Variants in CPNE4 observed in about 807,000 individuals in gnomAD.
CPNE4 encodes copine-4.
Under a neutral mutation model 67.9 loss-of-function variants are expected in CPNE4, and 25 were observed. The observed-to-expected ratio is 0.37, with a 90% CI of 0.27 to 0.51. The LOEUF (loss-of-function observed/expected upper bound fraction) is 0.51. CPNE4 is among the 20% of genes least tolerant of loss of function. CPNE4 has a pLI of 0.93. For synonymous variants in CPNE4, 242 were observed against 244.9 expected, an observed-to-expected ratio of 0.99 and a Z score of 0.11; for missense variants, 464 against 690.8, an observed-to-expected ratio of 0.67 and a Z score of 3.68.
At chr3:131,887,807 A>G (rs1404379605) in intron 2 of CPNE4, among the ~76,000 whole-genome samples, 2 of 152,208 alleles carry the variant, frequency 1.3e-5, no homozygotes, top group Admixed American at 6.5e-5. Context: ...TATAGAACCT[A>G]TGACAATAAG....
At chr3:131,778,550 T>C (rs2083349650) in intron 2 of CPNE4, among the ~76,000 whole-genome samples, 1 of 152,088 alleles carries the variant, frequency 6.6e-6, no homozygotes, top group Non-Finnish European at 1.5e-5. Context: ...GTATAAATGG[T>C]AGACTTTACC....
chr3:131,766,117 C>T (rs182916016), intron 2 of CPNE4, among the ~76,000 whole-genome samples: 49 of 152,218 alleles, frequency 3.2e-4, no homozygotes, highest in African/African-American at 1.1e-3. Flanking sequence ...GGATAACCTC[C>T]GGCACCAGAT....
intron 1 of CPNE4, among the ~76,000 whole-genome samples, chr3:131,929,907 T>C (rs1273939646): frequency 2.6e-5 from 4 of 152,122 alleles, no homozygotes; most frequent in African/African-American, 9.7e-5. Context: ...GAAGTACTAT[T>C]CTATTGTGTA....
chr3:131,730,493 C>A (rs572933351), intron 2 of CPNE4, among the ~76,000 whole-genome samples: 8 of 152,168 alleles, frequency 5.3e-5, no homozygotes, highest in African/African-American at 1.7e-4. Flanking sequence ...TGAGTTTTAT[C>A]CCTCAAAATT....
chr3:131,656,497 G>A (rs2079970870), intron 7 of CPNE4, among the ~76,000 whole-genome samples: 1 of 152,114 alleles, frequency 6.6e-6, no homozygotes, highest in African/African-American at 2.4e-5. Flanking sequence ...TGTCATCAAT[G>A]GTATCGAGCT....
At chr3:131,928,513 C>T (rs1290636838) in intron 1 of CPNE4, among the ~76,000 whole-genome samples, 1 of 152,124 alleles carries the variant, frequency 6.6e-6, no homozygotes, top group Non-Finnish European at 1.5e-5. Context: ...TGCAAATCAC[C>T]CATCTGTTAC....
intron 15 of CPNE4, among the ~76,000 whole-genome samples, chr3:131,536,582 C>A (rs76706533): frequency 6.6e-6 from 1 of 152,212 alleles, no homozygotes; most frequent in Non-Finnish European, 1.5e-5. Context: ...TACTAAGCCC[C>A]GCTGTTCTTA....
At chr3:131,577,225 T>C (rs1937572990) in intron 9 of CPNE4, among the ~76,000 whole-genome samples, 1 of 152,138 alleles carries the variant, frequency 6.6e-6, no homozygotes, top group Non-Finnish European at 1.5e-5. Flanking sequence ...CCTGTATATA[T>C]ACATATTAGG....
intron 2 of CPNE4, among the ~76,000 whole-genome samples, chr3:131,837,295 T>C (rs1236772977): frequency 1.3e-5 from 2 of 152,124 alleles, no homozygotes; most frequent in Non-Finnish European, 2.9e-5. Flanking sequence ...CTGGAAACAG[T>C]ACAAATGTCC....
chr3:131,801,428 G>GTT (rs769216819), intron 2 of CPNE4, among the ~76,000 whole-genome samples: 1 of 91,950 alleles, frequency 1.1e-5, no homozygotes, highest in Non-Finnish European at 2.1e-5. Context: ...GTGTGTGTGT[G>GTT]TGTGTGTGTG....
At chr3:131,847,669 C>T (rs2086057186) in intron 2 of CPNE4, among the ~76,000 whole-genome samples, 1 of 152,204 alleles carries the variant, frequency 6.6e-6, no homozygotes. Flanking sequence ...GTTCTTTACA[C>T]TCCTTTAGGT....
At chr3:131,708,957 G>GATATATATATATATAT (rs202119937) in intron 3 of CPNE4, among the ~76,000 whole-genome samples, 1,126 of 65,496 alleles carry the variant, frequency 0.017, 93 homozygotes, top group East Asian at 0.025. Context: ...AGGGCATAAA[G>GATATATATATATATAT]ATATATATAT....
intron 7 of CPNE4, among the ~76,000 whole-genome samples, chr3:131,652,441 C>T (rs373465817): frequency 6.6e-4 from 101 of 152,186 alleles, no homozygotes; most frequent in African/African-American, 2.4e-3. Context: ...TACCGGGAAA[C>T]CTCTCTAGGA....
chr3:132,020,794 T>C (rs1302515617), intron 1 of CPNE4, among the ~76,000 whole-genome samples: 1 of 152,168 alleles, frequency 6.6e-6, no homozygotes, highest in Non-Finnish European at 1.5e-5. Flanking sequence ...CACAGGACAC[T>C]GTTAACCCTA....
At chr3:131,756,847 G>A (rs1359148618) in intron 2 of CPNE4, among the ~76,000 whole-genome samples, 3 of 152,222 alleles carry the variant, frequency 2.0e-5, no homozygotes, top group Non-Finnish European at 4.4e-5. Context: ...ATTGAATCAT[G>A]AGGGCTGGTA....
chr3:131,824,142 ATATAAATAAAGTGTGAGATACAATTC>A (rs536446161), intron 2 of CPNE4, among the ~76,000 whole-genome samples: 4,800 of 152,270 alleles, frequency 0.032, 183 homozygotes, highest in South Asian at 0.094. Context: ...GTAGTACTTT[ATATAAATAAAGTGTGAGATACAATTC>A]TTTATATAAA....
chr3:131,995,587 C>G (rs1340165812), intron 1 of CPNE4, among the ~76,000 whole-genome samples: 1 of 152,140 alleles, frequency 6.6e-6, no homozygotes. Context: ...TGAAAGCAAA[C>G]CAGCCAGTAC....
chr3:131,580,949 G>A (rs144092324), intron 9 of CPNE4, among the ~76,000 whole-genome samples: 5,494 of 152,096 alleles, frequency 0.036, 298 homozygotes, highest in African/African-American at 0.12. Context: ...TGAGGCAGGC[G>A]GATCATGAGG....
At chr3:131,590,545 T>G (rs1034847386) in intron 7 of CPNE4, among the ~76,000 whole-genome samples, 2 of 152,202 alleles carry the variant, frequency 1.3e-5, no homozygotes, top group Non-Finnish European at 2.9e-5. Context: ...ATCGTAGGAA[T>G]AGGCATTACA....
Sources: allele counts gnomAD v4.1 joint callset (sites outside exome capture counted in the v4.1 genomes callset), GRCh38; gene constraint gnomAD v4.1.1; transcripts MANE v1.5; gene names NCBI Gene and HGNC (gene_info 2026-07-23, HGNC 2026-07-21).